The following TMTC4 variants were observed in gnomAD, a reference collection of about 807,000 sequenced individuals.
The protein encoded by TMTC4 is transmembrane O-mannosyltransferase targeting cadherins 4.
In TMTC4, 65 loss-of-function variants were observed where a neutral mutation model predicts 86.0. That is an observed-to-expected ratio of 0.76 (90% CI 0.62 to 0.93). The LOEUF is 0.93. Among genes scored for constraint, TMTC4 ranks in the 40% least tolerant of loss-of-function variants. The pLI is 0.00. For missense variants in TMTC4, 866 were observed against 948.1 expected (o/e 0.91, Z 1.14); for synonymous variants, 379 against 382.5 (o/e 0.99, Z 0.11).
intron 2 of TMTC4, among the ~76,000 whole-genome samples, chr13:100,670,111 G>T (rs1886899915): frequency 6.6e-6 from 1 of 152,156 alleles, no homozygotes; most frequent in Non-Finnish European, 1.5e-5. Context: ...TGGTTGATTG[G>T]TACCGAGGCT....
chr13:100,653,912 CA>C (rs1884749695), intron 6 of TMTC4, among the ~76,000 whole-genome samples: 1 of 152,180 alleles, frequency 6.6e-6, no homozygotes, highest in Non-Finnish European at 1.5e-5. Flanking sequence ...GCAGAAGATG[CA>C]AACTACTGTA....
intron 3 of TMTC4, among the ~76,000 whole-genome samples, chr13:100,666,704 C>T (rs1052190871): frequency 1.3e-5 from 2 of 152,166 alleles, no homozygotes; most frequent in African/African-American, 4.8e-5. Context: ...ATTAAGCCAC[C>T]AATCCGTGCT....
intron 15 of TMTC4, among the ~76,000 whole-genome samples, chr13:100,620,512 G>A (rs1362677170): frequency 6.6e-6 from 1 of 152,102 alleles, no homozygotes; most frequent in Non-Finnish European, 1.5e-5. Context: ...CTGAGTTCAT[G>A]TTACCATCCC....
chr13:100,609,708 C>G (rs1877263254), intron 17 of TMTC4, among the ~76,000 whole-genome samples: 1 of 151,714 alleles, frequency 6.6e-6, no homozygotes, highest in Admixed American at 6.6e-5. Context: ...CACACCCATA[C>G]ATATATACAT....
intron 17 of TMTC4, among the ~76,000 whole-genome samples, chr13:100,607,440 C>A (rs1876818348): frequency 6.6e-6 from 1 of 151,850 alleles, no homozygotes; most frequent in South Asian, 2.1e-4. Flanking sequence ...TTGCTCCAAT[C>A]CAAGAGGAGG....
intron 9 of TMTC4, 83 bp from the exon 10 acceptor site, chr13:100,636,817 C>A: frequency 7.2e-7 from 1 of 1,389,668 alleles, no homozygotes. Context: ...ACTTTGGAGG[C>A]ACTCATATGC....
upstream of TMTC4, chr13:100,675,067 C>A (rs541106054): frequency 1.4e-5 from 14 of 985,696 alleles, no homozygotes; most frequent in African/African-American, 1.9e-4. Context: ...GACAGACGGA[C>A]CCGGCGGGAG....
chr13:100,640,204 G>A (rs1474619004), intron 7 of TMTC4, among the ~76,000 whole-genome samples: 3 of 151,858 alleles, frequency 2.0e-5, no homozygotes, highest in Admixed American at 6.6e-5. Context: ...GCACTGTCTG[G>A]AGACATTTTA....
At chr13:100,639,624 A>G (rs1241621848) in intron 7 of TMTC4, among the ~76,000 whole-genome samples, 1 of 151,736 alleles carries the variant, frequency 6.6e-6, no homozygotes. Flanking sequence ...ATTCAACCGA[A>G]CTCTCTCCTG....
chr13:100,663,092 C>T lies in TMTC4; in HGVS notation c.424G>A (p.Val142Met). The T allele has an allele frequency of 1.2e-6, 2 of 1,614,226 alleles. No individual in the cohort carries two copies. Among genetic ancestry groups the T allele is most frequent in the Non-Finnish European group, 1.7e-6 (2 of 1,180,050 alleles). ...CCAAACAGAACCGAGAAGACGTCCA[C>T]CATGAGGACAGAGATGCCACTGTGC... is the stretch of plus-strand genomic sequence containing the variant. Reference protein sequence around the residue: ...LLHSGISVLMVDVFSVLFGGL... With the variant: ...LLHSGISVLMMDVFSVLFGGL... Residue 142 changes from valine (V) to methionine (M), a missense_variant, in exon 5 of 19, where the codon GTG (valine) becomes ATG (methionine). Transcript: ENST00000342624.
chr13:100,656,471 TA>T lies in TMTC4; in HGVS notation c.553-4del. 1.9e-6 allele frequency: 3 copies of T among 1,551,380 alleles called. No individual in the cohort carries two copies. Among genetic ancestry groups the T allele is most frequent in the Admixed American group, 1.9e-5 (1 of 52,648 alleles). On this transcript the variant is annotated splice_polypyrimidine_tract_variant and splice_region_variant and intron_variant, in intron 5 of 18. Coordinates refer to ENST00000342624, the MANE Select transcript of TMTC4 (RefSeq NM_032813.5). ...GCACGGCCGACAACACCAGCAACCT[TA>T]AAAAAGGGGGAAGAAAACAAAGAAT...
intron 6 of TMTC4, among the ~76,000 whole-genome samples, chr13:100,650,015 A>G (rs769446466): frequency 1.3e-5 from 2 of 152,064 alleles, no homozygotes; most frequent in Non-Finnish European, 2.9e-5. Context: ...ACTCTTCCCC[A>G]GCATTCTCCA....
intron 6 of TMTC4, among the ~76,000 whole-genome samples, chr13:100,645,206 G>T (rs1883566441): frequency 6.6e-6 from 1 of 152,132 alleles, no homozygotes; most frequent in Non-Finnish European, 1.5e-5. Context: ...TGCTGAAGTG[G>T]CCACCGCGAA....
intron 1 of TMTC4, among the ~76,000 whole-genome samples, chr13:100,672,709 A>C (rs1419642375): frequency 1.3e-5 from 2 of 152,144 alleles, no homozygotes; most frequent in African/African-American, 4.8e-5. Flanking sequence ...CCAGGCTGGA[A>C]TCAAACTCCT....
At chr13:100,633,168 C>T (rs748146755) in intron 12 of TMTC4, among the ~76,000 whole-genome samples, 4 of 151,712 alleles carry the variant, frequency 2.6e-5, no homozygotes, top group South Asian at 4.2e-4. Flanking sequence ...AAAAATTAGC[C>T]GGGCATAGTG....
At chr13:100,655,552 C>T (rs952447488) in intron 6 of TMTC4, among the ~76,000 whole-genome samples, 3 of 152,166 alleles carry the variant, frequency 2.0e-5, no homozygotes, top group Admixed American at 6.5e-5. Context: ...AATTCAACCT[C>T]GCCAGGTCTC....
At chr13:100,649,831 C>T (rs1884213912) in intron 6 of TMTC4, among the ~76,000 whole-genome samples, 1 of 151,080 alleles carries the variant, frequency 6.6e-6, no homozygotes, top group African/African-American at 2.4e-5. Flanking sequence ...TGGAGAAGAT[C>T]AATATTTTCA....
At position 100,625,686 on chromosome 13, in the gene TMTC4, C is replaced by T; in HGVS notation, c.1695-10G>A. On this transcript the variant is annotated splice_polypyrimidine_tract_variant and intron_variant, in intron 14 of 18. Transcript: ENST00000342624. ...AGCGGCAAAGTCTGGCCTAGAGGAG[C>T]AGTTTTAACAAAGATAAACAAGAAG... The T allele has an allele frequency of 6.2e-7, 1 of 1,613,330 alleles. No homozygotes were observed. Among genetic ancestry groups the T allele is most frequent in the Non-Finnish European group, 8.5e-7 (1 of 1,179,440 alleles).
At chr13:100,674,076 C>G in intron 1 of TMTC4, 3 of 985,182 alleles carry the variant, frequency 3.0e-6, no homozygotes, top group Non-Finnish European at 2.4e-6. Context: ...CCAGAAGCCC[C>G]GCAGAGTTCG....
Sources: allele counts gnomAD v4.1 joint callset (sites outside exome capture counted in the v4.1 genomes callset), GRCh38; gene constraint gnomAD v4.1.1; transcripts MANE v1.5; gene names NCBI Gene and HGNC (gene_info 2026-07-23, HGNC 2026-07-21).